The following TADA2B variants were observed in gnomAD, a reference collection of about 807,000 sequenced individuals.
TADA2B encodes transcriptional adaptor 2B.
TADA2B carries 13 observed loss-of-function variants against 34.5 expected under a neutral mutation model. The ratio of observed to expected loss-of-function variants is 0.38; its 90% CI spans 0.25 to 0.60. The LOEUF (loss-of-function observed/expected upper bound fraction) is 0.60, where lower values mean the gene tolerates loss of function less well. Ranked by LOEUF, TADA2B falls within the 20% of genes least tolerant of loss-of-function variation. TADA2B has a pLI of 0.65. For synonymous variants in TADA2B, 240 were observed against 243.4 expected (o/e 0.99, Z 0.13); for missense variants, 442 against 575.0 (o/e 0.77, Z 2.37).
At chr4:7,050,284 T>G (rs916151634) in intron 1 of TADA2B, among the ~76,000 whole-genome samples, 38 of 152,168 alleles carry the variant, frequency 2.5e-4, no homozygotes, top group African/African-American at 8.9e-4. Context: ...GTCCCATGGA[T>G]TCCATTGCCT....
chr4:7,050,157 C>T (rs1228808172), intron 1 of TADA2B, among the ~76,000 whole-genome samples: 7 of 152,264 alleles, frequency 4.6e-5, no homozygotes, highest in Non-Finnish European at 7.3e-5. Flanking sequence ...CGCGTGGGCT[C>T]GGCTTGGAGC....
At position 7,054,892 on chromosome 4, in the gene TADA2B, C is replaced by A. The variant is rs1330810666; in HGVS notation, c.1101C>A (p.Ala367=). 2 of 1,613,834 alleles carry A rather than the reference C, an allele frequency of 1.2e-6. No homozygotes were observed. Among genetic ancestry groups the A allele is most frequent in the African/African-American group, 2.7e-5 (2 of 74,916 alleles). ...GCAGCTCTTTAAACTTGAGTCCAGC[C>A]CGCTACGTGACTGTGAAGACTATTA... is the stretch of plus-strand genomic sequence containing the variant. ...VLCSSLNLSP[A]RYVTVKTIII... Residue 367 remains alanine (A), a synonymous_variant, in exon 2 of 2, where the codon GCC becomes GCA. Coordinates refer to ENST00000310074, the MANE Select transcript of TADA2B (RefSeq NM_152293.3).
rs1723881810 is a variant in TADA2B, at chr4:7,055,986, T to C, written c.*932T>C. ...GTTCAAGGCTAAGAGTTCTGAATTC[T>C]GGCGTCAGCTTCCTCAGGATTTTCT... On this transcript the variant is annotated 3_prime_UTR_variant, in exon 2 of 2. Transcript: ENST00000310074. The C allele has an allele frequency of 6.6e-6, 1 of 152,298 alleles. No individual in the cohort carries two copies. Among genetic ancestry groups the C allele is most frequent in the Non-Finnish European group, 1.5e-5 (1 of 68,070 alleles). 9.4% of individuals were successfully genotyped at this position (152,298 alleles called of 1,614,324 possible). A position where few individuals can be genotyped will look rare whatever the true frequency, so the allele number is the denominator to read the frequency against.
rs760620156 is a variant in TADA2B, at chr4:7,054,457, C to G, written c.666C>G (p.Ile222Met). 1.9e-6 allele frequency: 3 copies of G among 1,613,696 alleles called. No individual in the cohort carries two copies. The highest frequency in any genetic ancestry group is 1.6e-4 in the Middle Eastern group (1 of 6,062). ...KLKERQRRKN[I>M]ARDYNLVPAF... is the part of the protein sequence containing the mutation. ...AAGAGAGACAGCGGCGGAAGAACAT[C>G]GCCCGTGACTACAATCTGGTGCCAG... Residue 222 changes from isoleucine to methionine, a missense_variant, in exon 2 of 2, where the codon ATC (isoleucine) becomes ATG (methionine). Ile to Met is a conservative substitution (Grantham distance 10). Around this residue, in one of 4 missense-constraint regions of TADA2B, gnomAD observed 222 missense variants for 235.2 expected, o/e 0.94. Coordinates refer to ENST00000310074, the MANE Select transcript of TADA2B (RefSeq NM_152293.3).
In TADA2B at chr4:7,053,604, C is replaced by T. The variant is rs914895294; in HGVS notation, c.271-458C>T. ...CTGGTCTCACACCCTGGCACAAGCC[C>T]GTTTTCTAGTCTGAATGAGGCGAGT... On this transcript the variant is annotated intron_variant, in intron 1 of 1. Coordinates refer to ENST00000310074, the MANE Select transcript of TADA2B (RefSeq NM_152293.3). 1.6e-4 allele frequency: 25 copies of T among 158,414 alleles called. 1 individual carries two copies. Among genetic ancestry groups the T allele is most frequent in the Admixed American group, 3.7e-4 (6 of 16,190 alleles). The allele number at this position is 158,414 out of a possible 1,614,324, so 9.8% of individuals were successfully genotyped here.
intron 1 of TADA2B, among the ~76,000 whole-genome samples, chr4:7,049,939 G>C (rs1249875809): frequency 6.6e-6 from 1 of 152,250 alleles, no homozygotes; most frequent in Non-Finnish European, 1.5e-5. Flanking sequence ...GCTGAGACTG[G>C]AGGTGCTGAA....
Position 7,054,358 on chromosome 4 carries a change from T to A in TADA2B, c.567T>A (p.Ser189=), listed in dbSNP as rs190952132. The change falls in exon 2 of 2, where the codon TCT becomes TCA. Residue 189 remains serine, a synonymous_variant. Coordinates refer to ENST00000310074, the MANE Select transcript of TADA2B (RefSeq NM_152293.3). ...QDAETLISGL[S]VNYDDDDVEI... ...CCGAGACGCTCATCAGCGGGCTCTC[T>A]GTCAACTATGATGACGACGACGTGG... is the stretch of plus-strand genomic sequence containing the variant. The A allele has an allele frequency of 6.2e-7, 1 of 1,613,568 alleles. No individual in the cohort carries two copies. Among genetic ancestry groups the A allele is most frequent in the East Asian group, 2.2e-5 (1 of 44,882 alleles).
At chr4:7,048,235 G>C (rs1284789466) in intron 1 of TADA2B, among the ~76,000 whole-genome samples, 1 of 152,236 alleles carries the variant, frequency 6.6e-6, no homozygotes, top group Non-Finnish European at 1.5e-5. Flanking sequence ...CGCCGGGGCA[G>C]GAGCCTCCAC....
At chr4:7,050,205 T>G (rs1011552746) in intron 1 of TADA2B, among the ~76,000 whole-genome samples, 5 of 152,220 alleles carry the variant, frequency 3.3e-5, no homozygotes, top group African/African-American at 1.2e-4. Context: ...GGTTGGTGTG[T>G]TTCTTACCTT....
chr4:7,052,278 T>G (rs1723790077), intron 1 of TADA2B, among the ~76,000 whole-genome samples: 1 of 152,220 alleles, frequency 6.6e-6, no homozygotes, highest in Non-Finnish European at 1.5e-5. Context: ...GGGATGGAAA[T>G]TCCCATCTTC....
chr4:7,053,748 T>C (rs959360788), intron 1 of TADA2B: 18 of 308,928 alleles, frequency 5.8e-5, no homozygotes, highest in African/African-American at 3.6e-4. Context: ...GAGAACAAAG[T>C]CCAAACCTCA....
chr4:7,049,193 C>G lies in TADA2B; in HGVS notation c.271-4869C>G, dbSNP rs981882774. ...TCCTGGGCTCAAGCGATCCTCCTACCTCAGCCTCTCAAGTAGCTGGGACTA... is the reference window on the plus strand; with the variant it reads ...TCCTGGGCTCAAGCGATCCTCCTACGTCAGCCTCTCAAGTAGCTGGGACTA... On this transcript the variant is annotated intron_variant, in intron 1 of 1. Coordinates refer to ENST00000310074, the MANE Select transcript of TADA2B (RefSeq NM_152293.3). 2.6e-5 allele frequency among the ~76,000 whole-genome samples: 4 copies of G among 152,180 alleles called. No homozygotes were observed. The South Asian group carries it at 6.2e-4, about 24-fold the overall frequency.
At position 7,055,271 on chromosome 4, in the gene TADA2B, T is replaced by G. The variant is rs1723863160; in HGVS notation, c.*217T>G. ...GCAAATGTGTGTATTTTAAGTGAGT[T>G]CCTGCGAGTCATACACTGCGATGAT... On this transcript the variant is annotated 3_prime_UTR_variant, in exon 2 of 2. Transcript: ENST00000310074. The G allele has an allele frequency of 1.8e-6, 1 of 560,148 alleles. No homozygotes were observed. Among genetic ancestry groups the G allele is most frequent in the African/African-American group, 1.9e-5 (1 of 53,136 alleles). The allele number at this position is 560,148 out of a possible 1,614,324, so 34.7% of individuals were successfully genotyped here. A position where few individuals can be genotyped will look rare whatever the true frequency, so the allele number is the denominator to read the frequency against.
chr4:7,054,062 G>A lies in TADA2B; in HGVS notation c.271G>A (p.Glu91Lys). ...TAACTTCTGCCCTTTGTCATCGTAG[G>A]AAGATATGGCTGCCCACGTTGGTGC... Reference protein sequence around the residue: ...AIEQFGFGNWEDMAAHVGASR... With the variant: ...AIEQFGFGNWKDMAAHVGASR... Residue 91 changes from glutamate to lysine, a missense_variant and splice_region_variant, in exon 2 of 2, where the codon GAA (glutamate) becomes AAA (lysine). By Grantham distance (56) the Glu-to-Lys change is moderately conservative. Coordinates refer to ENST00000310074, the MANE Select transcript of TADA2B (RefSeq NM_152293.3). 6.4e-7 allele frequency: 1 copy of A among 1,570,114 alleles called. No individual in the cohort carries two copies. The highest frequency in any genetic ancestry group is 2.3e-5 in the East Asian group (1 of 43,796).
At chr4:7,050,519 C>T (rs890522660) in intron 1 of TADA2B, among the ~76,000 whole-genome samples, 9 of 152,232 alleles carry the variant, frequency 5.9e-5, no homozygotes, top group African/African-American at 1.7e-4. Flanking sequence ...AGCTTGTGGC[C>T]GGGATGAGCT....
In TADA2B at chr4:7,054,521, C is replaced by T; in HGVS notation, c.730C>T (p.Leu244=). The stretch of plus-strand genomic sequence containing the variant: ...GGACAAGAAGGAGAAGGAAAAGGCG[C>T]TGAAGCGCAAGATCACCAAGGAGGA... The part of the protein sequence containing the change: ...GKDKKEKEKA[L]KRKITKEEKE... Residue 244 remains leucine (L), a synonymous_variant, in exon 2 of 2, where the codon CTG becomes TTG. Coordinates refer to ENST00000310074, the MANE Select transcript of TADA2B (RefSeq NM_152293.3). 6.2e-7 allele frequency: 1 copy of T among 1,613,816 alleles called. No homozygotes were observed. Among genetic ancestry groups the T allele is most frequent in the Non-Finnish European group, 8.5e-7 (1 of 1,179,910 alleles).
At chr4:7,047,587 G>A (rs892755899) in intron 1 of TADA2B, among the ~76,000 whole-genome samples, 1 of 152,260 alleles carries the variant, frequency 6.6e-6, no homozygotes, top group South Asian at 2.1e-4. Flanking sequence ...GGGGCCTGGT[G>A]TGCGCCAGCC....
chr4:7,054,351 G>A lies in TADA2B; in HGVS notation c.560G>A (p.Gly187Glu), dbSNP rs1363404786. ...CAGGATGCCGAGACGCTCATCAGCG[G>A]GCTCTCTGTCAACTATGATGACGAC... The part of the protein sequence containing the change: ...YDQDAETLIS[G>E]LSVNYDDDDV... Residue 187 changes from glycine (G) to glutamate (E), a missense_variant, in exon 2 of 2, where the codon GGG becomes GAG. Gly to Glu is a moderately conservative substitution (Grantham distance 98). Coordinates refer to ENST00000310074, the MANE Select transcript of TADA2B (RefSeq NM_152293.3). 6.2e-7 allele frequency: 1 copy of A among 1,613,416 alleles called. No homozygotes were observed. The highest frequency in any genetic ancestry group is 8.5e-7 in the Non-Finnish European group (1 of 1,179,912).
intron 1 of TADA2B, among the ~76,000 whole-genome samples, chr4:7,050,997 T>C (rs1231125460): frequency 2.6e-5 from 4 of 152,124 alleles, no homozygotes; most frequent in African/African-American, 9.7e-5. Flanking sequence ...CTGAAAACCG[T>C]AGGCGGTAAC....
Sources: allele counts gnomAD v4.1 joint callset (sites outside exome capture counted in the v4.1 genomes callset), GRCh38; gene constraint gnomAD v4.1.1; regional missense constraint gnomAD v4.1.1; transcripts MANE v1.5; gene names NCBI Gene and HGNC (gene_info 2026-07-23, HGNC 2026-07-21).